MAP7: variants seen among roughly 807,000 people sequenced by gnomAD.
The protein encoded by MAP7 is microtubule associated protein 7.
Under a neutral mutation model 94.8 loss-of-function variants are expected in MAP7, and 52 were observed. The ratio of observed to expected loss-of-function variants is 0.55; its 90% CI spans 0.44 to 0.69. The LOEUF is 0.69. Among genes scored for constraint, MAP7 ranks in the 30% least tolerant of loss-of-function variants. The pLI is 0.00. For missense variants in MAP7, 940 were observed against 964.6 expected (o/e 0.97, Z 0.34); for synonymous variants, 350 against 357.0 (o/e 0.98, Z 0.22).
chr6:136,493,719 C>G (rs868820989), intron 1 of MAP7, among the ~76,000 whole-genome samples: 3 of 152,090 alleles, frequency 2.0e-5, no homozygotes, highest in Admixed American at 2.0e-4. Flanking sequence ...AAACCCATAC[C>G]GAGAGCATTG....
intron 1 of MAP7, among the ~76,000 whole-genome samples, chr6:136,455,736 A>T (rs747952698): frequency 2.3e-4 from 35 of 152,226 alleles, no homozygotes; most frequent in Admixed American, 5.2e-4. Flanking sequence ...GGGTCTGAAT[A>T]TGTTACCCCA....
intron 1 of MAP7, among the ~76,000 whole-genome samples, chr6:136,504,847 T>G (rs1043232705): frequency 1.6e-4 from 24 of 151,994 alleles, no homozygotes; most frequent in African/African-American, 5.8e-4. Context: ...GCCTGGCTAA[T>G]TTTTGTATTT....
chr6:136,345,981 G>C lies in MAP7; in HGVS notation c.2114C>G (p.Ser705Cys). The C allele has an allele frequency of 1.2e-6, 2 of 1,611,288 alleles. No individual in the cohort carries two copies. The highest frequency in any genetic ancestry group is 1.7e-6 in the Non-Finnish European group (2 of 1,177,432). The change falls in exon 17 of 18, where the codon TCC becomes TGC. Residue 705 changes from serine to cysteine, a missense_variant. Transcript: ENST00000354570. The stretch of plus-strand genomic sequence containing the variant: ...CTCACTGTTGGTGACATCTAATCTG[G>C]ATGGTTTAGATCCAATGGGTAAGTT... ...IINLPIGSKP[S>C]RLDVTNSESP...
At chr6:136,527,281 CA>C (rs1040088839) in intron 1 of MAP7, among the ~76,000 whole-genome samples, 5 of 151,884 alleles carry the variant, frequency 3.3e-5, no homozygotes, top group Non-Finnish European at 7.4e-5. Flanking sequence ...GTGCTGTCTC[CA>C]AAAAAAATTT....
chr6:136,476,439 T>A (rs1299412414), intron 1 of MAP7, among the ~76,000 whole-genome samples: 2 of 152,224 alleles, frequency 1.3e-5, no homozygotes, highest in African/African-American at 2.4e-5. Context: ...GGCTTTGAAG[T>A]TCCTTTTAAG....
At chr6:136,377,734 G>C (rs559150722) in intron 7 of MAP7, 21 bp downstream of exon 7, 4 of 1,591,384 alleles carry the variant, frequency 2.5e-6, no homozygotes, top group Admixed American at 1.7e-5. Context: ...CATGGGGAAA[G>C]TTCCACCTGG....
intron 1 of MAP7, chr6:136,525,966 C>A: frequency 6.7e-7 from 1 of 1,492,618 alleles, no homozygotes; most frequent in Non-Finnish European, 8.8e-7. Flanking sequence ...TCCAGGCATA[C>A]CGCTGCTACT....
intron 1 of MAP7, among the ~76,000 whole-genome samples, chr6:136,507,475 C>CAAAAAAA (rs10711278): frequency 1.1e-5 from 1 of 87,258 alleles, no homozygotes; most frequent in Non-Finnish European, 2.7e-5. Context: ...AGAAGATTCT[C>CAAAAAAA]AAAAAAAAAA....
intron 16 of MAP7, among the ~76,000 whole-genome samples, chr6:136,347,975 G>A (rs1055327069): frequency 2.6e-5 from 4 of 151,638 alleles, no homozygotes; most frequent in African/African-American, 7.3e-5. Context: ...GGCATTATAA[G>A]TCTCCACAAG....
chr6:136,516,202 C>T (rs1274241198), intron 1 of MAP7, among the ~76,000 whole-genome samples: 2 of 151,938 alleles, frequency 1.3e-5, no homozygotes, highest in African/African-American at 2.4e-5. Context: ...ACTCTGCTGC[C>T]TAGGCTAGAG....
At chr6:136,504,021 C>A (rs1328851393) in intron 1 of MAP7, among the ~76,000 whole-genome samples, 1 of 152,206 alleles carries the variant, frequency 6.6e-6, no homozygotes, top group African/African-American at 2.4e-5. Context: ...TAAAGTCACA[C>A]TACAGAATTC....
chr6:136,362,522 T>C lies in MAP7; in HGVS notation c.1454A>G (p.Glu485Gly). 6.2e-7 allele frequency: 1 copy of C among 1,614,190 alleles called. No homozygotes were observed. The highest frequency in any genetic ancestry group is 8.5e-7 in the Non-Finnish European group (1 of 1,180,038). The change falls in exon 11 of 18, where the codon GAG (glutamate) becomes GGG (glycine). Residue 485 changes from glutamate (E) to glycine (G), a missense_variant. Transcript: ENST00000354570. ...DPEEATRLLAEKRRLAREQRE... is the reference protein window; with the variant it reads ...DPEEATRLLAGKRRLAREQRE... ...CTGCTCTCGGGCCAGCCGCCTCTTC[T>C]CAGCTAGAAGCCTTGTGGCCTCCTC...
chr6:136,415,993 G>A (rs1252708578), intron 2 of MAP7, among the ~76,000 whole-genome samples: 7 of 152,308 alleles, frequency 4.6e-5, no homozygotes, highest in African/African-American at 1.7e-4. Context: ...ATTTAGTGTA[G>A]GTTGTTTCTA....
At chr6:136,496,966 A>G (rs1583068141) in intron 1 of MAP7, among the ~76,000 whole-genome samples, 1 of 151,894 alleles carries the variant, frequency 6.6e-6, no homozygotes. Flanking sequence ...AAAAAAAAAT[A>G]AATGAATAAA....
intron 4 of MAP7, 82 bp from the exon 5 acceptor site, chr6:136,388,592 G>A: frequency 9.5e-7 from 1 of 1,048,386 alleles, no homozygotes; most frequent in South Asian, 1.3e-5. Flanking sequence ...ATGGAGTGAG[G>A]AGTACTACTT....
chr6:136,424,670 T>C (rs1792596210), intron 1 of MAP7, among the ~76,000 whole-genome samples: 1 of 152,250 alleles, frequency 6.6e-6, no homozygotes, highest in Non-Finnish European at 1.5e-5. Flanking sequence ...CACAAAGGCC[T>C]TGGTGTTCTC....
intron 1 of MAP7, among the ~76,000 whole-genome samples, chr6:136,520,788 G>A (rs1826172453): frequency 6.6e-6 from 1 of 152,206 alleles, no homozygotes; most frequent in Non-Finnish European, 1.5e-5. Context: ...GGACAGATGA[G>A]CATGAGTAGG....
chr6:136,348,825 A>T (rs1788368617), intron 16 of MAP7, among the ~76,000 whole-genome samples: 1 of 152,224 alleles, frequency 6.6e-6, no homozygotes. Flanking sequence ...GAATGGGTCA[A>T]ACACCAAAAT....
At chr6:136,544,730 C>T (rs1462739915) in intron 1 of MAP7, among the ~76,000 whole-genome samples, 2 of 152,198 alleles carry the variant, frequency 1.3e-5, no homozygotes, top group Non-Finnish European at 2.9e-5. Context: ...AACATTTCCA[C>T]TTACAGATCT....
Sources: gnomAD v4.1 joint callset for allele counts (sites outside exome capture counted in the v4.1 genomes callset) on GRCh38, gnomAD v4.1.1 for gene constraint, MANE v1.5 for transcripts, NCBI Gene and HGNC (gene_info 2026-07-23, HGNC 2026-07-21) for gene names.